Variants in C5 observed in about 807,000 individuals in gnomAD.
C5 encodes complement C5, also known as C3 and PZP-like alpha-2-macroglobulin domain-containing protein 4.
Under a neutral mutation model 218.8 loss-of-function variants are expected in C5, and 140 were observed. That is an observed-to-expected ratio of 0.64 (90% confidence interval 0.56 to 0.74). C5 has a LOEUF of 0.74. C5 is among the 30% of genes least tolerant of loss of function. The pLI is 0.00. For synonymous variants in C5, 614 were observed against 682.3 expected (o/e 0.90, Z 1.56); for missense variants, 1,700 against 1,969.6 (o/e 0.86, Z 2.59).
At position 121,043,036 on chromosome 9, in the gene C5, G is replaced by A. The variant is rs769250287; in HGVS notation, c.389C>T (p.Thr130Ile). The A allele has an allele frequency of 3.7e-6, 6 of 1,612,858 alleles. No individual in the cohort carries two copies. In the South Asian group the frequency reaches 4.4e-5, roughly 12 times the overall value. ...GTCTGGAGTATAAACAGGTTTGTCT[G>A]TATGAATGAAGAGAAATCCATTGTC... ...TYDNGFLFIH[T>I]DKPVYTPDQS... Residue 130 changes from threonine to isoleucine, a missense_variant, in exon 3 of 41, where the codon ACA (threonine) becomes ATA (isoleucine). Physicochemically the swap from Thr to Ile is moderately conservative, Grantham distance 89. Coordinates refer to ENST00000223642, the MANE Select transcript of C5 (RefSeq NM_001735.3).
chr9:121,029,444 A>G (rs1042904842), intron 7 of C5, among the ~76,000 whole-genome samples: 6 of 152,266 alleles, frequency 3.9e-5, no homozygotes. Context: ...ACATGGGAAT[A>G]GTAACAATAT....
At position 121,015,879 on chromosome 9, in the gene C5, G is replaced by A. The variant is rs894222129; in HGVS notation, c.1996+375C>T. ...TGTGGGGAAGAGGTCTCGTAGAGGC[G>A]ATGATTCTTACATTGCTTCTCCAGG... On this transcript the variant is annotated intron_variant, in intron 15 of 40. Transcript: ENST00000223642. 5.3e-5 allele frequency among the ~76,000 whole-genome samples: 8 copies of A among 152,262 alleles called. No homozygotes were observed. In the South Asian group the frequency reaches 8.3e-4, roughly 16 times the overall value.
intron 9 of C5, among the ~76,000 whole-genome samples, chr9:121,025,242 T>TA (rs2047409670): frequency 6.6e-6 from 1 of 152,192 alleles, no homozygotes; most frequent in East Asian, 1.9e-4. Context: ...AGGGACCCAA[T>TA]GGCTTGTCCA....
chr9:120,967,201 A>G (rs1423285845), intron 33 of C5, among the ~76,000 whole-genome samples: 2 of 150,232 alleles, frequency 1.3e-5, no homozygotes, highest in African/African-American at 4.9e-5. Context: ...TGGAGGTTGT[A>G]GTGAGCCGAG....
chr9:121,026,927 G>C (rs1160003142), intron 8 of C5, among the ~76,000 whole-genome samples: 2 of 152,128 alleles, frequency 1.3e-5, no homozygotes, highest in Non-Finnish European at 2.9e-5. Context: ...AGAGAAATTG[G>C]AGTGATTAAT....
intron 1 of C5, among the ~76,000 whole-genome samples, chr9:121,046,985 CG>C (rs2047633349): frequency 6.6e-6 from 1 of 151,872 alleles, no homozygotes; most frequent in African/African-American, 2.4e-5. Context: ...AAACGGATAA[CG>C]GAAAGGATAG....
chr9:121,020,381 T>C (rs1430920133), intron 11 of C5, among the ~76,000 whole-genome samples: 1 of 152,142 alleles, frequency 6.6e-6, no homozygotes, highest in Non-Finnish European at 1.5e-5. Flanking sequence ...ACAAGAATGA[T>C]GGGATTATGG....
chr9:120,974,672 A>G (rs1351754351), intron 30 of C5, 107 bp downstream of exon 30: 1 of 1,067,602 alleles, frequency 9.4e-7, no homozygotes, highest in African/African-American at 1.6e-5. Flanking sequence ...CTGACACTCA[A>G]TATATGTTTA....
chr9:120,956,024 G>A (rs1178866161), intron 39 of C5, among the ~76,000 whole-genome samples: 2 of 152,034 alleles, frequency 1.3e-5, no homozygotes, highest in Non-Finnish European at 2.9e-5. Flanking sequence ...GGCCAGGCAC[G>A]GTGGCTCACA....
chr9:120,953,940 T>C, intron 39 of C5, 72 bp from the exon 40 acceptor site: 2 of 1,540,564 alleles, frequency 1.3e-6, no homozygotes, highest in African/African-American at 1.4e-5. Context: ...CTCTCAAGTT[T>C]TCTGGTTCCT....
chr9:121,070,968 A>G, the C5 span, among the ~76,000 whole-genome samples: 6 of 152,210 alleles, frequency 3.9e-5, no homozygotes, highest in Non-Finnish European at 7.3e-5. Context: ...GTATTAAAAC[A>G]TCACTATGTA....
chr9:121,056,791 G>A, the C5 span, among the ~76,000 whole-genome samples: 1 of 152,086 alleles, frequency 6.6e-6, no homozygotes, highest in South Asian at 2.1e-4. Flanking sequence ...GAGAGAGAGA[G>A]AGAAAAATTG....
intron 5 of C5, among the ~76,000 whole-genome samples, 166 bp downstream of exon 5, chr9:121,034,636 AT>A (rs1350913073): frequency 1.3e-5 from 2 of 152,256 alleles, no homozygotes; most frequent in African/African-American, 2.4e-5. Flanking sequence ...AGTATTGGAA[AT>A]TTTTTGCCAA....
At chr9:121,007,529 C>A (rs1564148904) in intron 18 of C5, among the ~76,000 whole-genome samples, 1 of 152,110 alleles carries the variant, frequency 6.6e-6, no homozygotes, top group Non-Finnish European at 1.5e-5. Context: ...ATAATTGTAC[C>A]AATAAGGCAT....
At chr9:120,989,815 T>A in intron 23 of C5, 35 bp from the exon 24 acceptor site, 1 of 1,494,106 alleles carries the variant, frequency 6.7e-7, no homozygotes, top group East Asian at 2.3e-5. Context: ...ACACATTGCT[T>A]TTTATTAACT....
At chr9:120,980,309 G>A (rs2046982829) in intron 27 of C5, 55 bp from the exon 28 acceptor site, 1 of 1,456,750 alleles carries the variant, frequency 6.9e-7, no homozygotes, top group East Asian at 2.3e-5. Context: ...CCTATCAATT[G>A]ATATGAACTA....
chr9:120,994,512 G>A (rs1284585413), intron 22 of C5, among the ~76,000 whole-genome samples: 1 of 151,990 alleles, frequency 6.6e-6, no homozygotes, highest in Non-Finnish European at 1.5e-5. Context: ...GAAATCAGGA[G>A]GTGGAGGTTG....
intron 7 of C5, among the ~76,000 whole-genome samples, chr9:121,030,172 C>A (rs1196457141): frequency 1.3e-5 from 2 of 152,184 alleles, no homozygotes; most frequent in Non-Finnish European, 2.9e-5. Flanking sequence ...TGGCACTTTT[C>A]TTTGTTTTTG....
At chr9:121,072,598 G>A in the C5 span, among the ~76,000 whole-genome samples, 4 of 152,080 alleles carry the variant, frequency 2.6e-5, no homozygotes, top group South Asian at 8.3e-4. Context: ...CGTGAGGTCA[G>A]GAGATTGAGA....
Sources: allele counts gnomAD v4.1 joint callset (sites outside exome capture counted in the v4.1 genomes callset), GRCh38; gene constraint gnomAD v4.1.1; transcripts MANE v1.5; gene names NCBI Gene and HGNC (gene_info 2026-07-23, HGNC 2026-07-21).